NTM: variants seen among roughly 807,000 people sequenced by gnomAD.
The protein encoded by NTM is IgLON family member 2.
A neutral mutation model predicts 42.1 loss-of-function variants in NTM; 13 were observed. That is an observed-to-expected ratio of 0.31 (90% CI 0.20 to 0.49). NTM has a LOEUF of 0.49. Among genes scored for constraint, NTM ranks in the 20% least tolerant of loss-of-function variants. The probability of loss-of-function intolerance (pLI) is 0.99; values close to 1 mark genes in which losing one functional copy is unlikely to be tolerated. For synonymous variants in NTM, 187 were observed against 179.2 expected (o/e 1.04, Z -0.35); for missense variants, 373 against 452.8 (o/e 0.82, Z 1.60).
chr11:132,008,391 T>C (rs1371937452), intron 2 of NTM, among the ~76,000 whole-genome samples: 2 of 152,170 alleles, frequency 1.3e-5, no homozygotes, highest in East Asian at 3.8e-4. Flanking sequence ...AAGTGCCTAA[T>C]ATAGCTGACC....
intron 3 of NTM, among the ~76,000 whole-genome samples, chr11:132,177,969 A>C (rs2077051313): frequency 6.6e-6 from 1 of 152,216 alleles, no homozygotes; most frequent in Non-Finnish European, 1.5e-5. Flanking sequence ...ACGCAATTTT[A>C]TTTCTCCTCA....
intron 1 of NTM, among the ~76,000 whole-genome samples, chr11:131,736,925 A>G (rs2080532391): frequency 6.6e-6 from 1 of 152,252 alleles, no homozygotes; most frequent in African/African-American, 2.4e-5. Flanking sequence ...ACTTTAAAAC[A>G]TGCCATCCTT....
At chr11:132,119,548 A>G (rs991250602) in intron 2 of NTM, among the ~76,000 whole-genome samples, 3 of 152,192 alleles carry the variant, frequency 2.0e-5, no homozygotes, top group African/African-American at 7.2e-5. Context: ...GGAATAATTA[A>G]CCTTCTTACC....
chr11:131,938,773 A>C (rs562851544), intron 2 of NTM, among the ~76,000 whole-genome samples: 1 of 152,140 alleles, frequency 6.6e-6, no homozygotes, highest in Non-Finnish European at 1.5e-5. Context: ...CAGCGTGTAC[A>C]TATATTTTAA....
intron 2 of NTM, among the ~76,000 whole-genome samples, chr11:132,107,581 G>C (rs1371797623): frequency 6.6e-6 from 1 of 151,376 alleles, no homozygotes; most frequent in Non-Finnish European, 1.5e-5. Flanking sequence ...TGTTACCCAG[G>C]CTGGTCTCAA....
chr11:131,834,595 C>T (rs7931867), intron 1 of NTM, among the ~76,000 whole-genome samples: 87,874 of 144,526 alleles, frequency 0.61, 27,063 homozygotes, highest in Admixed American at 0.69. Flanking sequence ...CAAGCATCTT[C>T]GGAATAGTGT....
chr11:131,740,566 T>A (rs561006882), intron 1 of NTM, among the ~76,000 whole-genome samples: 20 of 152,106 alleles, frequency 1.3e-4, no homozygotes, highest in Admixed American at 9.2e-4. Context: ...TTTTCTTCAA[T>A]TTTTTTTCTT....
At chr11:131,455,694 C>T (rs1009738177) in intron 1 of NTM, among the ~76,000 whole-genome samples, 1 of 152,142 alleles carries the variant, frequency 6.6e-6, no homozygotes, top group African/African-American at 2.4e-5. Flanking sequence ...TGGATGTGAT[C>T]CAACAGGTCT....
chr11:131,694,345 C>T (rs2075164822), intron 1 of NTM, among the ~76,000 whole-genome samples: 1 of 152,210 alleles, frequency 6.6e-6, no homozygotes, highest in Non-Finnish European at 1.5e-5. Flanking sequence ...TTTATTCAGT[C>T]TCCACGGGCA....
chr11:131,681,153 G>A (rs1484225514), intron 1 of NTM, among the ~76,000 whole-genome samples: 2 of 61,246 alleles, frequency 3.3e-5, no homozygotes, highest in African/African-American at 8.6e-5. Context: ...TTCCCTGTGT[G>A]TGTGAGCATG....
In NTM at chr11:132,213,945, G is replaced by A. The variant is rs1346583400; in HGVS notation, c.526+1798G>A. 3.1e-5 allele frequency among the ~76,000 whole-genome samples: 2 copies of A among 64,770 alleles called. 1 individual carries two copies. The highest frequency in any genetic ancestry group is 9.4e-5 in the African/African-American group (2 of 21,384). 42.5% of individuals were successfully genotyped at this position (64,770 alleles called of 152,430 possible). A position where few individuals can be genotyped will look rare whatever the true frequency, so the allele number is the denominator to read the frequency against. ...GAGACGGGGTTTCACCGTTTTAGCTGGGATGGTCTCGATCTCCTGACCTCG... is the reference window on the plus strand; with the variant it reads ...GAGACGGGGTTTCACCGTTTTAGCTAGGATGGTCTCGATCTCCTGACCTCG... On this transcript the variant is annotated intron_variant, in intron 4 of 8. Coordinates refer to ENST00000683400, the MANE Select transcript of NTM (RefSeq NM_001352005.2).
At chr11:131,727,951 C>G (rs555753438) in intron 1 of NTM, among the ~76,000 whole-genome samples, 1 of 152,282 alleles carries the variant, frequency 6.6e-6, no homozygotes, top group East Asian at 1.9e-4. Context: ...TGCATGAGAG[C>G]AGGGCCAGCT....
At chr11:131,604,117 T>A (rs909107714) in intron 1 of NTM, among the ~76,000 whole-genome samples, 2 of 152,222 alleles carry the variant, frequency 1.3e-5, no homozygotes, top group Admixed American at 1.3e-4. Flanking sequence ...TTTCAAAATG[T>A]GGACACACCA....
chr11:131,685,215 G>T (rs575563410), intron 1 of NTM, among the ~76,000 whole-genome samples: 48 of 152,262 alleles, frequency 3.2e-4, no homozygotes, highest in African/African-American at 1.1e-3. Flanking sequence ...CAATCAGCTT[G>T]GGGGGCAGCT....
intron 1 of NTM, among the ~76,000 whole-genome samples, chr11:131,775,715 A>T (rs186745967): frequency 2.7e-4 from 41 of 152,306 alleles, no homozygotes; most frequent in African/African-American, 8.7e-4. Flanking sequence ...GCATGAAAAA[A>T]ATTGTATATA....
At chr11:131,601,743 G>A (rs1287317339) in intron 1 of NTM, among the ~76,000 whole-genome samples, 2 of 152,144 alleles carry the variant, frequency 1.3e-5, no homozygotes, top group Non-Finnish European at 2.9e-5. Context: ...CTGACTCATT[G>A]GGATGAGAGA....
intron 1 of NTM, among the ~76,000 whole-genome samples, chr11:131,489,092 C>T (rs960524612): frequency 1.3e-5 from 2 of 152,296 alleles, no homozygotes; most frequent in Middle Eastern, 3.4e-3. Flanking sequence ...GCAGGTGGAC[C>T]TTCCTCCGTG....
chr11:131,807,720 G>C (rs1366695722), intron 1 of NTM, among the ~76,000 whole-genome samples: 1 of 152,162 alleles, frequency 6.6e-6, no homozygotes, highest in Non-Finnish European at 1.5e-5. Flanking sequence ...ACTGTCTTCA[G>C]TGCCTAGAAA....
intron 1 of NTM, among the ~76,000 whole-genome samples, chr11:131,574,401 A>G (rs1251256655): frequency 1.3e-5 from 2 of 152,138 alleles, no homozygotes; most frequent in African/African-American, 2.4e-5. Flanking sequence ...TTCATACTCT[A>G]TTTTACAGAG....
Sources: allele counts gnomAD v4.1 joint callset (sites outside exome capture counted in the v4.1 genomes callset), GRCh38; gene constraint gnomAD v4.1.1; transcripts MANE v1.5; gene names NCBI Gene and HGNC (gene_info 2026-07-23, HGNC 2026-07-21).